PTPN4: variants seen among roughly 807,000 people sequenced by gnomAD.
PTPN4 encodes the protein protein tyrosine phosphatase non-receptor type 4.
PTPN4 carries 49 observed loss-of-function variants against 135.5 expected under a neutral mutation model. The observed-to-expected ratio is 0.36, with a 90% confidence interval of 0.29 to 0.46. PTPN4 has a LOEUF of 0.46. Ranked by LOEUF, PTPN4 falls within the 20% of genes least tolerant of loss-of-function variation. PTPN4 has a pLI of 1.00. For synonymous variants in PTPN4, 333 were observed against 369.9 expected (o/e 0.90, Z 1.14); for missense variants, 860 against 1,101.0 (o/e 0.78, Z 3.10).
chr2:119,763,138 A>G (rs772133435), intron 1 of PTPN4, among the ~76,000 whole-genome samples: 9 of 152,122 alleles, frequency 5.9e-5, no homozygotes, highest in Non-Finnish European at 1.3e-4. Context: ...GAATGGGGAA[A>G]AAGAGGAGGG....
At chr2:119,941,676 C>A (rs2105044677) in intron 15 of PTPN4, among the ~76,000 whole-genome samples, 1 of 152,252 alleles carries the variant, frequency 6.6e-6, no homozygotes, top group South Asian at 2.1e-4. Context: ...GTCCTGAAAT[C>A]CAAAGTTTTA....
Position 119,930,166 on chromosome 2 carries a change from C to A in PTPN4, c.1071-2258C>A, listed in dbSNP as rs557792351. Among the ~76,000 whole-genome samples the A allele has an allele frequency of 1.3e-3, 195 of 152,198 alleles. 1 individual carries two copies. Among genetic ancestry groups the A allele is most frequent in the African/African-American group, 4.3e-3 (179 of 41,538 alleles). On this transcript the variant is annotated intron_variant, in intron 13 of 26. Coordinates refer to ENST00000263708, the MANE Select transcript of PTPN4 (RefSeq NM_002830.4). ...AAATCAAAAAATCCTATAATTTAAA[C>A]CTGTGATAATGGGAAATGTTCACAC...
chr2:119,892,404 TA>T (rs1269137674), intron 9 of PTPN4, among the ~76,000 whole-genome samples: 2 of 152,216 alleles, frequency 1.3e-5, no homozygotes, highest in East Asian at 3.8e-4. Context: ...TCAGTTCTTT[TA>T]AAAAATTAAG....
chr2:119,971,401 G>A (rs1489078198), intron 26 of PTPN4, among the ~76,000 whole-genome samples: 3 of 152,144 alleles, frequency 2.0e-5, no homozygotes, highest in African/African-American at 7.2e-5. Context: ...ATTTGGGTGA[G>A]GACACACAGC....
intron 2 of PTPN4, among the ~76,000 whole-genome samples, chr2:119,826,598 C>G (rs558134933): frequency 6.6e-6 from 1 of 152,158 alleles, no homozygotes; most frequent in Admixed American, 6.5e-5. Context: ...AACTTCCTTA[C>G]AATACACAGT....
At chr2:119,850,823 TG>T (rs1237514317) in intron 2 of PTPN4, among the ~76,000 whole-genome samples, 10 of 152,266 alleles carry the variant, frequency 6.6e-5, no homozygotes, top group Non-Finnish European at 1.5e-4. Flanking sequence ...AGTTCCTTTC[TG>T]TACATTATTA....
intron 2 of PTPN4, among the ~76,000 whole-genome samples, chr2:119,845,057 C>G (rs1272762491): frequency 6.8e-6 from 1 of 146,976 alleles, no homozygotes; most frequent in Non-Finnish European, 1.5e-5. Context: ...TGGAGACCGG[C>G]CCGGCCAACA....
chr2:119,854,310 G>A (rs531413652), intron 2 of PTPN4, among the ~76,000 whole-genome samples: 2 of 152,260 alleles, frequency 1.3e-5, no homozygotes, highest in Admixed American at 6.5e-5. Context: ...ATCAAAGCTT[G>A]CTGGCCTGGC....
At chr2:119,766,444 G>GGGCA in intron 1 of PTPN4, among the ~76,000 whole-genome samples, 1 of 35,174 alleles carries the variant, frequency 2.8e-5, no homozygotes, top group African/African-American at 1.2e-4. Flanking sequence ...ATGCGCATGT[G>GGGCA]CGCGCGTGTG....
At chr2:119,766,451 T>TC (rs1558718884) in intron 1 of PTPN4, among the ~76,000 whole-genome samples, 5 of 114,944 alleles carry the variant, frequency 4.3e-5, no homozygotes, top group African/African-American at 1.5e-4. Context: ...TGTGCGCGCG[T>TC]GTGTGTGTGT....
intron 3 of PTPN4, among the ~76,000 whole-genome samples, chr2:119,874,347 G>A (rs768820391): frequency 1.3e-5 from 2 of 152,118 alleles, no homozygotes; most frequent in Non-Finnish European, 2.9e-5. Flanking sequence ...GAGAATTGAA[G>A]ACATGTGTTC....
At chr2:119,972,156 T>A (rs1341268761) in intron 26 of PTPN4, among the ~76,000 whole-genome samples, 3 of 112,362 alleles carry the variant, frequency 2.7e-5, no homozygotes, top group Non-Finnish European at 5.6e-5. Flanking sequence ...TTTGAATAAG[T>A]TTATTCTTTC....
chr2:119,866,346 T>C (rs1035859637), intron 3 of PTPN4, among the ~76,000 whole-genome samples: 3 of 152,060 alleles, frequency 2.0e-5, no homozygotes, highest in South Asian at 2.1e-4. Context: ...GGTTCATTCT[T>C]CTGGTAGTTT....
chr2:119,788,641 G>A lies in PTPN4; in HGVS notation c.-17-21196G>A, dbSNP rs78165615. 3.5e-3 allele frequency among the ~76,000 whole-genome samples: 537 copies of A among 152,118 alleles called. 5 individuals are homozygous for A. Among genetic ancestry groups the A allele is most frequent in the African/African-American group, 0.011 (453 of 41,490 alleles). ...CTACTTTTTGTCTGTGATTTTGAACGTACTAGGTTCCTCATATAATGGAAT... is the reference window on the plus strand; with the variant it reads ...CTACTTTTTGTCTGTGATTTTGAACATACTAGGTTCCTCATATAATGGAAT... On this transcript the variant is annotated intron_variant, in intron 1 of 26. Coordinates refer to ENST00000263708, the MANE Select transcript of PTPN4 (RefSeq NM_002830.4).
At chr2:119,975,976 A>AT (rs1414790132) in intron 26 of PTPN4, among the ~76,000 whole-genome samples, 3 of 146,226 alleles carry the variant, frequency 2.1e-5, no homozygotes, top group Non-Finnish European at 3.0e-5. Context: ...TATTTATTTT[A>AT]TTTTATTTTT....
intron 25 of PTPN4, 126 bp from the exon 26 acceptor site, chr2:119,967,711 C>A: frequency 1.2e-6 from 1 of 804,274 alleles, no homozygotes. Flanking sequence ...TGGCTTACTA[C>A]TTTTATAATT....
At chr2:119,965,330 A>G (rs186973141) in intron 24 of PTPN4, among the ~76,000 whole-genome samples, 167 bp from the exon 25 acceptor site, 3 of 152,266 alleles carry the variant, frequency 2.0e-5, no homozygotes, top group Admixed American at 1.3e-4. Flanking sequence ...AACTATGAGG[A>G]CGCGGGTCAG....
rs573566811 is a variant in PTPN4, at chr2:119,767,048, A to G, written c.-18+6664A>G. Reference sequence around the variant, plus strand: ...GAGAAATCTCAAGAAAAGTACAACAAAGAGCTCCTGAATCGCCTTAAACTA... The same window carrying G: ...GAGAAATCTCAAGAAAAGTACAACAGAGAGCTCCTGAATCGCCTTAAACTA... On this transcript the variant is annotated intron_variant, in intron 1 of 26. Transcript: ENST00000263708. 1.6e-4 allele frequency among the ~76,000 whole-genome samples: 25 copies of G among 152,356 alleles called. 1 individual carries two copies. The highest frequency in any genetic ancestry group is 6.8e-3 in the Middle Eastern group (2 of 294).
rs111407215 is a variant in PTPN4 at position 119,807,933 on chromosome 2, A to G, written c.-17-1904A>G. ...AGGCTGGTTCAGCATACACAAATCA[A>G]TAAACGTAATCCATCAGCTAAACAG... On this transcript the variant is annotated intron_variant, in intron 1 of 26. Coordinates refer to ENST00000263708, the MANE Select transcript of PTPN4 (RefSeq NM_002830.4). 3.4e-3 allele frequency among the ~76,000 whole-genome samples: 511 copies of G among 152,372 alleles called. 2 individuals are homozygous for G. Among genetic ancestry groups the G allele is most frequent in the African/African-American group, 0.01 (434 of 41,600 alleles).
Sources: allele counts gnomAD v4.1 joint callset (sites outside exome capture counted in the v4.1 genomes callset), GRCh38; gene constraint gnomAD v4.1.1; transcripts MANE v1.5; gene names NCBI Gene and HGNC (gene_info 2026-07-23, HGNC 2026-07-21).